ZNF521: variants seen among roughly 807,000 people sequenced by gnomAD.
The protein encoded by ZNF521 is zinc finger protein 521, also known as LYST-interacting protein 3.
A neutral mutation model predicts 105.5 loss-of-function variants in ZNF521; 14 were observed. The observed-to-expected ratio is 0.13, with a 90% CI of 0.09 to 0.21. The LOEUF (loss-of-function observed/expected upper bound fraction) is 0.21, where lower values mean the gene tolerates loss of function less well. ZNF521 is among the 10% of genes least tolerant of loss of function. The pLI, the probability that ZNF521 is intolerant of heterozygous loss-of-function variation, is 1.00. For synonymous variants in ZNF521, 635 were observed against 606.0 expected (o/e 1.05, Z -0.70); for missense variants, 1,233 against 1,629.7 (o/e 0.76, Z 4.19).
chr18:25,348,662 G>A (rs769949918), intron 2 of ZNF521, among the ~76,000 whole-genome samples: 3 of 150,496 alleles, frequency 2.0e-5, no homozygotes, highest in Non-Finnish European at 4.4e-5. Flanking sequence ...TTTGTTTTTA[G>A]TGTAAATATT....
At chr18:25,306,655 G>A (rs961991735) in intron 3 of ZNF521, among the ~76,000 whole-genome samples, 13 of 152,042 alleles carry the variant, frequency 8.6e-5, no homozygotes, top group Admixed American at 7.9e-4. Flanking sequence ...GATTTGTAGG[G>A]TGTCATTTCC....
intron 3 of ZNF521, among the ~76,000 whole-genome samples, chr18:25,315,299 T>G (rs760039466): frequency 1.1e-4 from 16 of 152,076 alleles, no homozygotes; most frequent in Non-Finnish European, 2.1e-4. Flanking sequence ...TCTTTCACCT[T>G]TCCCCCTATT....
At chr18:25,143,330 T>A (rs1319908622) in intron 5 of ZNF521, among the ~76,000 whole-genome samples, 2 of 152,178 alleles carry the variant, frequency 1.3e-5, no homozygotes, top group Non-Finnish European at 2.9e-5. Context: ...GACGGGGATA[T>A]AACTACCAAT....
intron 5 of ZNF521, among the ~76,000 whole-genome samples, chr18:25,159,635 A>G (rs1567987653): frequency 6.6e-6 from 1 of 152,190 alleles, no homozygotes; most frequent in African/African-American, 2.4e-5. Context: ...CAAAATTCAG[A>G]GTAGTTTGGT....
intron 4 of ZNF521, among the ~76,000 whole-genome samples, chr18:25,222,853 A>G (rs1905823018): frequency 6.6e-6 from 1 of 152,164 alleles, no homozygotes; most frequent in African/African-American, 2.4e-5. Flanking sequence ...TGATGTCATA[A>G]TTGAACAAAA....
At chr18:25,120,220 C>G (rs1163911741) in intron 5 of ZNF521, among the ~76,000 whole-genome samples, 2 of 152,218 alleles carry the variant, frequency 1.3e-5, no homozygotes, top group Admixed American at 1.3e-4. Flanking sequence ...CTATCTTAAA[C>G]TCTTCAGAAA....
At chr18:25,275,354 G>C (rs978990712) in intron 3 of ZNF521, among the ~76,000 whole-genome samples, 3 of 152,264 alleles carry the variant, frequency 2.0e-5, no homozygotes, top group Non-Finnish European at 1.5e-5. Context: ...AAATAAGCAT[G>C]TTTTACTCTA....
intron 3 of ZNF521, among the ~76,000 whole-genome samples, chr18:25,257,476 C>G (rs1382786602): frequency 5.3e-5 from 8 of 152,112 alleles, no homozygotes; most frequent in Admixed American, 5.2e-4. Flanking sequence ...TTGGTAAGTT[C>G]AAAAGGGACT....
At chr18:25,219,860 G>A (rs1354452289) in intron 4 of ZNF521, among the ~76,000 whole-genome samples, 1 of 152,126 alleles carries the variant, frequency 6.6e-6, no homozygotes, top group East Asian at 1.9e-4. Flanking sequence ...CTTCATTGAG[G>A]TGTAATCCCC....
intron 3 of ZNF521, among the ~76,000 whole-genome samples, chr18:25,245,469 C>T (rs941877310): frequency 3.3e-5 from 5 of 152,164 alleles, no homozygotes; most frequent in South Asian, 2.1e-4. Flanking sequence ...AAGCTTCATG[C>T]GTTCACTTTG....
chr18:25,260,828 C>T (rs1055097968), intron 3 of ZNF521, among the ~76,000 whole-genome samples: 1 of 151,860 alleles, frequency 6.6e-6, no homozygotes, highest in African/African-American at 2.4e-5. Context: ...TACTGATGCA[C>T]GTGGAAAGTA....
intron 4 of ZNF521, among the ~76,000 whole-genome samples, chr18:25,212,538 A>AAAAAAATAT (rs1555647923): frequency 1.7e-4 from 8 of 48,142 alleles, no homozygotes; most frequent in African/African-American, 7.9e-4. Context: ...AAAAAAAAAA[A>AAAAAAATAT]ATATATATAT....
intron 5 of ZNF521, among the ~76,000 whole-genome samples, chr18:25,092,737 C>T: frequency 6.6e-6 from 1 of 152,122 alleles, no homozygotes; most frequent in East Asian, 1.9e-4. Flanking sequence ...ACTTTTGTGA[C>T]CTCCAGGCTC....
At chr18:25,104,653 T>C (rs113814588) in intron 5 of ZNF521, among the ~76,000 whole-genome samples, 54 of 152,294 alleles carry the variant, frequency 3.5e-4, no homozygotes, top group African/African-American at 1.2e-3. Flanking sequence ...AATTTGACAA[T>C]CTGGAGAAAA....
chr18:25,227,845 C>G lies in ZNF521; in HGVS notation c.221-148G>C, dbSNP rs1193672223. The G allele has an allele frequency of 1.5e-6, 1 of 686,748 alleles. No homozygotes were observed. Among genetic ancestry groups the G allele is most frequent in the Non-Finnish European group, 2.4e-6 (1 of 419,012 alleles). The allele number at this position is 686,748 out of a possible 1,614,324, so 42.5% of individuals were successfully genotyped here. A position where few individuals can be genotyped will look rare whatever the true frequency, so the allele number is the denominator to read the frequency against. On this transcript the variant is annotated intron_variant, in intron 3 of 7. Coordinates refer to ENST00000361524, the MANE Select transcript of ZNF521 (RefSeq NM_015461.3). The surrounding 1 kb of genome is among the most constrained non-coding windows in gnomAD (Gnocchi z 5.7). ...GAAAAGAGAGAATATTTGAGTGAGA[C>G]ATTTTCAAATCTGAGCCCAAAGCAG...
At chr18:25,267,394 C>T (rs951088996) in intron 3 of ZNF521, among the ~76,000 whole-genome samples, 7 of 152,210 alleles carry the variant, frequency 4.6e-5, no homozygotes, top group African/African-American at 1.7e-4. Context: ...CAGAAGAGAG[C>T]AGCGGATCAC....
intron 5 of ZNF521, among the ~76,000 whole-genome samples, chr18:25,149,027 A>G (rs1394808818): frequency 8.0e-6 from 1 of 125,096 alleles, no homozygotes. Context: ...TCCTAATTTG[A>G]AAGGACTTTT....
chr18:25,214,129 C>T (rs779073784), intron 4 of ZNF521, among the ~76,000 whole-genome samples: 12 of 152,202 alleles, frequency 7.9e-5, no homozygotes, highest in African/African-American at 2.6e-4. Context: ...CCTGTTGACA[C>T]GATCCCAGAA....
chr18:25,204,336 A>G (rs940983279), intron 4 of ZNF521, among the ~76,000 whole-genome samples: 3 of 152,178 alleles, frequency 2.0e-5, no homozygotes, highest in African/African-American at 7.2e-5. Flanking sequence ...TAAATATTAG[A>G]TAAAATAGTA....
Sources: allele counts gnomAD v4.1 joint callset (sites outside exome capture counted in the v4.1 genomes callset), GRCh38; gene constraint gnomAD v4.1.1; non-coding constraint Gnocchi (gnomAD v3.1); transcripts MANE v1.5; gene names NCBI Gene and HGNC (gene_info 2026-07-23, HGNC 2026-07-21).